ERAP1: variants seen among roughly 807,000 people sequenced by gnomAD.
ERAP1 encodes the protein adipocyte-derived leucine aminopeptidase.
A neutral mutation model predicts 103.7 loss-of-function variants in ERAP1; 86 were observed. The ratio of observed to expected loss-of-function variants is 0.83; its 90% CI spans 0.70 to 0.99. ERAP1 has a LOEUF of 0.99. ERAP1 is among the 50% of genes least tolerant of loss of function. The pLI is 0.00. For missense variants in ERAP1, 1,009 were observed against 1,128.4 expected (o/e 0.89, Z 1.52); for synonymous variants, 398 against 402.4 (o/e 0.99, Z 0.13).
At chr5:96,826,273 G>T in the ERAP1 span, among the ~76,000 whole-genome samples, 1 of 152,192 alleles carries the variant, frequency 6.6e-6, no homozygotes, top group Non-Finnish European at 1.5e-5. Flanking sequence ...GTACATTAAT[G>T]TCCTCCCCCA....
chr5:96,933,507 C>T, the ERAP1 span, among the ~76,000 whole-genome samples: 1 of 152,148 alleles, frequency 6.6e-6, no homozygotes, highest in African/African-American at 2.4e-5. Flanking sequence ...AATCATTTGT[C>T]TCTTTGTCAA....
chr5:96,887,552 G>A, the ERAP1 span, among the ~76,000 whole-genome samples: 4 of 152,002 alleles, frequency 2.6e-5, no homozygotes, highest in South Asian at 6.2e-4. Flanking sequence ...CTCCTGCCTT[G>A]GCCTCCCAAA....
the ERAP1 span, among the ~76,000 whole-genome samples, chr5:96,818,900 T>G: frequency 2.0e-3 from 173 of 86,100 alleles, no homozygotes; most frequent in South Asian, 8.5e-3. Context: ...CTGCATTTAT[T>G]TATTTATTTA....
the ERAP1 span, chr5:96,909,848 C>T: frequency 7.3e-7 from 1 of 1,368,168 alleles, no homozygotes; most frequent in African/African-American, 1.5e-5. Flanking sequence ...AGGTCTAAAA[C>T]CTTTTAGTGA....
the ERAP1 span, chr5:96,814,428 T>C: frequency 1.2e-5 from 5 of 422,506 alleles, no homozygotes; most frequent in South Asian, 8.8e-5. Context: ...TCTACTATTA[T>C]AATCTTAGGA....
chr5:96,837,884 C>T, the ERAP1 span, among the ~76,000 whole-genome samples: 47 of 152,120 alleles, frequency 3.1e-4, no homozygotes, highest in Non-Finnish European at 5.6e-4. Flanking sequence ...ATAAGCTTTC[C>T]CCAGAGTCCC....
the ERAP1 span, among the ~76,000 whole-genome samples, chr5:96,891,236 T>C: frequency 6.6e-6 from 1 of 151,998 alleles, no homozygotes; most frequent in Non-Finnish European, 1.5e-5. Flanking sequence ...AAACAGAACA[T>C]TTTAGCTAGC....
chr5:96,913,434 A>C, the ERAP1 span: 1 of 1,614,022 alleles, frequency 6.2e-7, no homozygotes, highest in Admixed American at 1.7e-5. Context: ...TTGTAAGAGA[A>C]AATTGGACCC....
chr5:96,771,735 A>AC (rs1458701723), downstream of ERAP1: 1 of 1,365,770 alleles, frequency 7.3e-7, no homozygotes, highest in Admixed American at 1.7e-5. Context: ...AATGAAGACA[A>AC]CTGTATCTTC....
At position 96,779,039 on chromosome 5, in the gene ERAP1, A is replaced by C. The variant is rs76147575; in HGVS notation, c.2670+1384T>G. On this transcript the variant is annotated intron_variant, in intron 18 of 18. Coordinates refer to ENST00000443439, the MANE Select transcript of ERAP1 (RefSeq NM_001040458.3). ...TCTAGATGTTGGCATTTCCTTCGAT[A>C]TCTTCTCAAATGTCTCCTAATCATC... is the stretch of plus-strand genomic sequence containing the variant. Among the ~76,000 whole-genome samples the C allele has an allele frequency of 5.7e-3, 875 of 152,250 alleles. 8 individuals are homozygous for C. Among genetic ancestry groups the C allele is most frequent in the African/African-American group, 0.02 (837 of 41,538 alleles).
chr5:96,928,298 A>C, the ERAP1 span, among the ~76,000 whole-genome samples: 1 of 152,230 alleles, frequency 6.6e-6, no homozygotes, highest in East Asian at 1.9e-4. Flanking sequence ...GTCCTCCAAA[A>C]TTTATCTGTT....
rs144889745 is a variant in ERAP1, at chr5:96,793,002, GTTACC to G, written c.1188+393_1188+397del. Among the ~76,000 whole-genome samples the G allele has an allele frequency of 3.9e-3, 598 of 152,236 alleles. 10 individuals carry two copies. Among genetic ancestry groups the G allele is most frequent in the African/African-American group, 0.013 (536 of 41,528 alleles). On this transcript the variant is annotated intron_variant, in intron 7 of 18. Coordinates refer to ENST00000443439, the MANE Select transcript of ERAP1 (RefSeq NM_001040458.3). Reference sequence around the variant, plus strand: ...AGGTTGTTATACAATCAAATGTGCAGTTACCTTAAGTATAACTCATTTGATTTGGC... The same window carrying G: ...AGGTTGTTATACAATCAAATGTGCAGTTAAGTATAACTCATTTGATTTGGC...
the ERAP1 span, among the ~76,000 whole-genome samples, chr5:96,833,973 G>A: frequency 6.6e-6 from 1 of 152,100 alleles, no homozygotes; most frequent in Admixed American, 6.5e-5. Flanking sequence ...ATCCATTGCT[G>A]ATTGTACCAA....
At chr5:96,834,515 T>C in the ERAP1 span, among the ~76,000 whole-genome samples, 1 of 152,332 alleles carries the variant, frequency 6.6e-6, no homozygotes, top group South Asian at 2.1e-4. Flanking sequence ...TAAGTTGTGA[T>C]ATGGTAAGTG....
the ERAP1 span, among the ~76,000 whole-genome samples, chr5:96,863,709 ATTTC>A: frequency 1.3e-5 from 2 of 152,130 alleles, no homozygotes; most frequent in Non-Finnish European, 2.9e-5. Context: ...TTTTGTTCAC[ATTTC>A]TAACTACCCA....
chr5:96,861,548 T>A, the ERAP1 span, among the ~76,000 whole-genome samples: 1 of 152,224 alleles, frequency 6.6e-6, no homozygotes, highest in Admixed American at 6.5e-5. Context: ...TTAATCAGAA[T>A]TGGCAATGTT....
At chr5:96,896,618 T>C in the ERAP1 span, 3 of 1,448,080 alleles carry the variant, frequency 2.1e-6, no homozygotes, top group East Asian at 4.7e-5. Flanking sequence ...CACTTTTTAT[T>C]TGTTCACTTT....
chr5:96,781,188 C>G lies in ERAP1; in HGVS notation c.2458G>C (p.Glu820Gln). ...NKEKLQWLLD[E>Q]SFKGDKIKTQ... ...TTTATTTTATCTCCCTTAAAGCTTT[C>G]ATCTAGTAGCCTAGAAGGATTAAGA... The change falls in exon 17 of 19, where the codon GAA becomes CAA. Residue 820 changes from glutamate (E) to glutamine (Q), a missense_variant. Coordinates refer to ENST00000443439, the MANE Select transcript of ERAP1 (RefSeq NM_001040458.3). The G allele has an allele frequency of 6.2e-7, 1 of 1,612,302 alleles. No individual in the cohort carries two copies. Among genetic ancestry groups the G allele is most frequent in the East Asian group, 2.2e-5 (1 of 44,834 alleles).
chr5:96,923,360 G>C, the ERAP1 span, among the ~76,000 whole-genome samples: 1 of 152,118 alleles, frequency 6.6e-6, no homozygotes, highest in Admixed American at 6.6e-5. Flanking sequence ...CAGCAACAGT[G>C]CTGGCCTTGC....
Sources: allele counts gnomAD v4.1 joint callset (sites outside exome capture counted in the v4.1 genomes callset), GRCh38; gene constraint gnomAD v4.1.1; transcripts MANE v1.5; gene names NCBI Gene and HGNC (gene_info 2026-07-23, HGNC 2026-07-21).